ANKRD12: variants seen among roughly 807,000 people sequenced by gnomAD.
The protein encoded by ANKRD12 is ankyrin repeat domain-containing protein 12.
Under a neutral mutation model 183.4 loss-of-function variants are expected in ANKRD12, and 85 were observed. That is an observed-to-expected ratio of 0.46 (90% CI 0.39 to 0.56). The LOEUF (loss-of-function observed/expected upper bound fraction) is 0.56, where lower values mean the gene tolerates loss of function less well. Ranked by LOEUF, ANKRD12 falls within the 20% of genes least tolerant of loss-of-function variation. The pLI is 0.00. For synonymous variants in ANKRD12, 914 were observed against 800.2 expected (o/e 1.14, Z -2.40); for missense variants, 2,405 against 2,357.1 (o/e 1.02, Z -0.42).
At chr18:9,272,487 G>C (rs1217421776) in intron 10 of ANKRD12, among the ~76,000 whole-genome samples, 1 of 152,014 alleles carries the variant, frequency 6.6e-6, no homozygotes, top group Non-Finnish European at 1.5e-5. Context: ...ACTTGAACCC[G>C]GGAGGCGGAG....
chr18:9,250,426 G>A (rs567569295), intron 8 of ANKRD12, among the ~76,000 whole-genome samples: 9 of 152,176 alleles, frequency 5.9e-5, no homozygotes, highest in Admixed American at 5.9e-4. Flanking sequence ...ACGGATTTAA[G>A]AGAGAGTCCA....
chr18:9,209,988 T>G (rs1006109648), intron 5 of ANKRD12, among the ~76,000 whole-genome samples: 1 of 152,112 alleles, frequency 6.6e-6, no homozygotes, highest in Admixed American at 6.5e-5. Flanking sequence ...CAAATACGTA[T>G]CTTTTGTTAT....
intron 8 of ANKRD12, among the ~76,000 whole-genome samples, chr18:9,249,451 A>G (rs2038156511): frequency 6.6e-6 from 1 of 152,174 alleles, no homozygotes; most frequent in Non-Finnish European, 1.5e-5. Flanking sequence ...TGTGGTAAAA[A>G]TACACACCTT....
intron 10 of ANKRD12, among the ~76,000 whole-genome samples, chr18:9,269,503 AAAAC>A (rs1433039514): frequency 6.6e-6 from 1 of 152,252 alleles, no homozygotes; most frequent in Non-Finnish European, 1.5e-5. Context: ...AAACCTGACA[AAAAC>A]AAACAATGGG....
chr18:9,160,405 G>A (rs1204607188), intron 1 of ANKRD12, among the ~76,000 whole-genome samples: 1 of 152,208 alleles, frequency 6.6e-6, no homozygotes, highest in Non-Finnish European at 1.5e-5. Context: ...GAACTCCTGT[G>A]CCCAGCTTAA....
chr18:9,196,199 CACACA>C, intron 3 of ANKRD12, among the ~76,000 whole-genome samples: 1 of 150,036 alleles, frequency 6.7e-6, no homozygotes, highest in Middle Eastern at 3.2e-3. Context: ...TACACACACA[CACACA>C]CACACACACA....
chr18:9,158,937 A>G (rs1353193312), intron 1 of ANKRD12, among the ~76,000 whole-genome samples: 4 of 152,204 alleles, frequency 2.6e-5, no homozygotes, highest in East Asian at 1.9e-4. Context: ...CAATACTACT[A>G]TATTCTGTTT....
intron 2 of ANKRD12, among the ~76,000 whole-genome samples, chr18:9,192,136 T>G (rs1465031541): frequency 6.6e-6 from 1 of 152,154 alleles, no homozygotes; most frequent in African/African-American, 2.4e-5. Flanking sequence ...ATATCCTGAT[T>G]TGTTGGTCTC....
chr18:9,280,270 C>G (rs906982437), intron 12 of ANKRD12, among the ~76,000 whole-genome samples: 6 of 152,094 alleles, frequency 3.9e-5, no homozygotes, highest in African/African-American at 9.7e-5. Context: ...AGGGTTTGAG[C>G]TGCTATGAGA....
chr18:9,254,899 C>T lies in ANKRD12; in HGVS notation c.1632C>T (p.Pro544=), dbSNP rs767151842. The change falls in exon 9 of 13, where the codon CCC becomes CCT. Residue 544 remains proline (P), a synonymous_variant. Coordinates refer to ENST00000262126, the MANE Select transcript of ANKRD12 (RefSeq NM_015208.5). ...TTCATATTTCCACTGGTAAATCTCC[C>T]AAACATTCTTGTGGATTAAGTGAAA... is the stretch of plus-strand genomic sequence containing the variant. ...HLFHISTGKS[P]KHSCGLSEKQ... The T allele has an allele frequency of 1.3e-6, 2 of 1,552,256 alleles. No homozygotes were observed. Among genetic ancestry groups the T allele is most frequent in the Non-Finnish European group, 1.7e-6 (2 of 1,152,232 alleles).
chr18:9,145,269 T>C (rs2078455370), intron 1 of ANKRD12, among the ~76,000 whole-genome samples: 1 of 152,202 alleles, frequency 6.6e-6, no homozygotes, highest in African/African-American at 2.4e-5. Context: ...ATTGCAGGCA[T>C]ATGCCACCAT....
At position 9,174,478 on chromosome 18, in the gene ANKRD12, G is replaced by A. The variant is rs146077777; in HGVS notation, c.-51-7904G>A. Reference sequence around the variant, plus strand: ...GCACAGCTCTGTATGTTGGACCTAAGTAAGGCCCTGGTGGCCTGGGTTCAT... The same window carrying A: ...GCACAGCTCTGTATGTTGGACCTAAATAAGGCCCTGGTGGCCTGGGTTCAT... On this transcript the variant is annotated intron_variant, in intron 1 of 12. Coordinates refer to ENST00000262126, the MANE Select transcript of ANKRD12 (RefSeq NM_015208.5). Among the ~76,000 whole-genome samples the A allele has an allele frequency of 5.1e-4, 77 of 152,336 alleles. 1 individual carries two copies. The South Asian group carries it at 0.012, about 24-fold the overall frequency.
intron 10 of ANKRD12, among the ~76,000 whole-genome samples, chr18:9,274,632 A>G (rs1466650588): frequency 6.6e-6 from 1 of 152,200 alleles, no homozygotes; most frequent in Non-Finnish European, 1.5e-5. Flanking sequence ...ATGGTGGAAC[A>G]TCTTGATAAA....
intron 8 of ANKRD12, among the ~76,000 whole-genome samples, chr18:9,231,944 G>A (rs1177525135): frequency 4.6e-5 from 7 of 151,508 alleles, no homozygotes; most frequent in Non-Finnish European, 7.4e-5. Flanking sequence ...GTCCTCACAG[G>A]TAAAATACAT....
At chr18:9,262,054 T>A (rs933164068) in intron 9 of ANKRD12, among the ~76,000 whole-genome samples, 5 of 152,212 alleles carry the variant, frequency 3.3e-5, no homozygotes, top group Non-Finnish European at 4.4e-5. Context: ...TCCAGTAAGT[T>A]GTTTGTCCTG....
At position 9,270,140 on chromosome 18, in the gene ANKRD12, T is replaced by C. The variant is rs548561046; in HGVS notation, c.5764-5384T>C. On this transcript the variant is annotated intron_variant, in intron 10 of 12. Coordinates refer to ENST00000262126, the MANE Select transcript of ANKRD12 (RefSeq NM_015208.5). Reference sequence around the variant, plus strand: ...AGGTGCTGGAGAGAATGTGGAGAAATAGGAATACTTTTACACTGTTGGTGG... The same window carrying C: ...AGGTGCTGGAGAGAATGTGGAGAAACAGGAATACTTTTACACTGTTGGTGG... Among the ~76,000 whole-genome samples, 4 of 152,232 alleles carry C rather than the reference T, an allele frequency of 2.6e-5. No homozygotes were observed. The South Asian group carries it at 6.2e-4, about 24-fold the overall frequency.
rs746657239 is a variant in ANKRD12, at chr18:9,257,367, C to G, written c.4100C>G (p.Ser1367Cys). Reference sequence around the variant, plus strand: ...CTTTCAAATGTATCTAACATACATTCCAGTTTTGCAACTTCTCCAACTGGA... The same window carrying G: ...CTTTCAAATGTATCTAACATACATTGCAGTTTTGCAACTTCTCCAACTGGA... Reference protein sequence around the residue: ...RDLSNVSNIHSSFATSPTGAS... With the variant: ...RDLSNVSNIHCSFATSPTGAS... Residue 1367 changes from serine to cysteine, a missense_variant, in exon 9 of 13, where the codon TCC (serine) becomes TGC (cysteine). Physicochemically the swap from Ser to Cys is moderately radical, Grantham distance 112 (BLOSUM62 -1). Around this residue, in one of 7 missense-constraint regions of ANKRD12, gnomAD observed 1,983 missense variants for 1,725.9 expected, o/e 1.15. Transcript: ENST00000262126. The G allele has an allele frequency of 1.9e-6, 3 of 1,614,138 alleles. No individual in the cohort carries two copies. The highest frequency in any genetic ancestry group is 4.5e-5 in the East Asian group (2 of 44,882).
In ANKRD12 at chr18:9,254,275, G is replaced by A; in HGVS notation, c.1008G>A (p.Glu336=). Residue 336 remains glutamate, a synonymous_variant, in exon 9 of 13, where the codon GAG becomes GAA. Coordinates refer to ENST00000262126, the MANE Select transcript of ANKRD12 (RefSeq NM_015208.5). ...SVDENIDSET[E]KDSLICESKQ... Reference sequence around the variant, plus strand: ...ATGAAAATATTGACTCTGAAACAGAGAAAGACTCTCTCATCTGTGAAAGTA... The same window carrying A: ...ATGAAAATATTGACTCTGAAACAGAAAAAGACTCTCTCATCTGTGAAAGTA... 6.2e-7 allele frequency: 1 copy of A among 1,609,344 alleles called. No homozygotes were observed. Among genetic ancestry groups the A allele is most frequent in the Non-Finnish European group, 8.5e-7 (1 of 1,178,356 alleles).
In ANKRD12 at chr18:9,285,780, AAT is replaced by A. The variant is rs1219012277; in HGVS notation, c.*4656_*4657del. On this transcript the variant is annotated 3_prime_UTR_variant, in exon 13 of 13. Transcript: ENST00000262126. ...TGTACCTAGCCTTGAACTTCATAGA[AAT>A]AGAGTCATACATACTTCCTTGTCTG... 1 of 152,196 alleles carries A rather than the reference AAT, an allele frequency of 6.6e-6. No homozygotes were observed. The highest frequency in any genetic ancestry group is 1.5e-5 in the Non-Finnish European group (1 of 68,038). 9.4% of individuals were successfully genotyped at this position (152,196 alleles called of 1,614,324 possible). A position where few individuals can be genotyped will look rare whatever the true frequency, so the allele number is the denominator to read the frequency against.
Sources: allele counts gnomAD v4.1 joint callset (sites outside exome capture counted in the v4.1 genomes callset), GRCh38; gene constraint gnomAD v4.1.1; regional missense constraint gnomAD v4.1.1; transcripts MANE v1.5; gene names NCBI Gene and HGNC (gene_info 2026-07-23, HGNC 2026-07-21).